The following FAM13A variants were observed in gnomAD, a reference collection of about 807,000 sequenced individuals.
The protein encoded by FAM13A is family with sequence similarity 13 member A, also known as protein FAM13A.
FAM13A carries 76 observed loss-of-function variants against 129.6 expected under a neutral mutation model. That is an observed-to-expected ratio of 0.59 (90% CI 0.49 to 0.71). The LOEUF (loss-of-function observed/expected upper bound fraction) is 0.71, where lower values mean the gene tolerates loss of function less well. FAM13A is among the 30% of genes least tolerant of loss of function. The pLI is 0.00. For missense variants in FAM13A, 1,108 were observed against 1,249.3 expected (o/e 0.89, Z 1.70); for synonymous variants, 443 against 449.9 (o/e 0.98, Z 0.20).
intron 7 of FAM13A, among the ~76,000 whole-genome samples, chr4:88,843,041 C>G (rs1736080267): frequency 6.6e-6 from 1 of 152,082 alleles, no homozygotes; most frequent in Admixed American, 6.5e-5. Flanking sequence ...TTATCTAAGG[C>G]CTTGGGATAT....
intron 6 of FAM13A, among the ~76,000 whole-genome samples, chr4:88,863,239 A>G (rs894634903): frequency 6.6e-6 from 1 of 152,138 alleles, no homozygotes; most frequent in African/African-American, 2.4e-5. Context: ...TTCAATCACC[A>G]ATGACCAATG....
chr4:88,979,604 T>C (rs931110808), intron 4 of FAM13A, among the ~76,000 whole-genome samples: 2 of 152,100 alleles, frequency 1.3e-5, no homozygotes, highest in Non-Finnish European at 2.9e-5. Context: ...AAGAAATAGA[T>C]ACAAAGCATC....
intron 5 of FAM13A, among the ~76,000 whole-genome samples, chr4:88,910,184 C>T (rs13109149): frequency 0.14 from 20,892 of 152,098 alleles, 1,706 homozygotes; most frequent in Middle Eastern, 0.25. Context: ...AGATCACATA[C>T]GGCATATTTA....
intron 5 of FAM13A, among the ~76,000 whole-genome samples, chr4:88,911,604 G>A (rs1749097810): frequency 6.6e-6 from 1 of 152,072 alleles, no homozygotes; most frequent in Non-Finnish European, 1.5e-5. Flanking sequence ...TGCCTTCCCT[G>A]TTGTTGCAAT....
In FAM13A at chr4:89,020,406, C is replaced by T. The variant is rs568200717; in HGVS notation, c.427+54G>A. 3.0e-5 allele frequency: 40 copies of T among 1,346,478 alleles called. No homozygotes were observed. In the African/African-American group the frequency reaches 5.0e-4, roughly 17 times the overall value. 83.4% of individuals were successfully genotyped at this position (1,346,478 alleles called of 1,614,324 possible). A position where few individuals can be genotyped will look rare whatever the true frequency, so the allele number is the denominator to read the frequency against. On this transcript the variant is annotated intron_variant, in intron 3 of 23. Coordinates refer to ENST00000264344, the MANE Select transcript of FAM13A (RefSeq NM_014883.4). ...TGTTGGGATTATAGGTGTGGGCCAC[C>T]GTGCCCAGCCTAGTAAAGTTGTTTT...
chr4:88,866,239 G>A (rs1467112881), intron 6 of FAM13A, among the ~76,000 whole-genome samples: 2 of 151,990 alleles, frequency 1.3e-5, no homozygotes, highest in Admixed American at 1.3e-4. Flanking sequence ...GTAGAGACGC[G>A]GTTTTGCCAC....
At chr4:89,005,056 C>T (rs528699876) in intron 3 of FAM13A, among the ~76,000 whole-genome samples, 6 of 152,112 alleles carry the variant, frequency 3.9e-5, no homozygotes, top group Admixed American at 1.3e-4. Context: ...TACTGTTCCT[C>T]TCCCTCCACT....
chr4:88,812,151 A>C (rs1276706022), intron 7 of FAM13A, among the ~76,000 whole-genome samples: 2 of 152,174 alleles, frequency 1.3e-5, no homozygotes, highest in East Asian at 1.9e-4. Flanking sequence ...AACTGTAAGA[A>C]ATAAGTCTCT....
At chr4:88,978,939 T>A (rs1406608590) in intron 4 of FAM13A, among the ~76,000 whole-genome samples, 3 of 152,108 alleles carry the variant, frequency 2.0e-5, no homozygotes, top group African/African-American at 7.2e-5. Flanking sequence ...CAAAAATAAA[T>A]CATAAGCTCA....
At chr4:88,750,823 C>G (rs1228850092) in intron 14 of FAM13A, among the ~76,000 whole-genome samples, 186 bp from the exon 15 acceptor site, 1 of 152,250 alleles carries the variant, frequency 6.6e-6, no homozygotes, top group Non-Finnish European at 1.5e-5. Context: ...ATATGTCTGA[C>G]AGCCATCATC....
intron 2 of FAM13A, among the ~76,000 whole-genome samples, chr4:89,024,639 C>A (rs375085113): frequency 2.0e-5 from 3 of 152,134 alleles, no homozygotes; most frequent in African/African-American, 7.2e-5. Context: ...CACAGGTGTA[C>A]AGTAAATGTT....
intron 7 of FAM13A, among the ~76,000 whole-genome samples, chr4:88,818,914 T>G (rs1026767139): frequency 6.6e-6 from 1 of 152,190 alleles, no homozygotes; most frequent in Non-Finnish European, 1.5e-5. Context: ...TCTTCCCTGG[T>G]GAACTCCCAT....
At chr4:88,763,329 T>C (rs569591603) in intron 13 of FAM13A, among the ~76,000 whole-genome samples, 15 of 152,278 alleles carry the variant, frequency 9.9e-5, no homozygotes, top group African/African-American at 3.6e-4. Context: ...CAAGCGTTCA[T>C]TGAACACATA....
At chr4:89,033,142 T>A (rs1317249472) in intron 1 of FAM13A, among the ~76,000 whole-genome samples, 2 of 113,328 alleles carry the variant, frequency 1.8e-5, no homozygotes, top group African/African-American at 2.7e-5. Flanking sequence ...ACACACTCTC[T>A]CTCTCTCTCT....
chr4:88,833,307 A>G (rs992085623), intron 7 of FAM13A, among the ~76,000 whole-genome samples: 1 of 152,114 alleles, frequency 6.6e-6, no homozygotes. Context: ...AGGTGCTGCA[A>G]ACCACCATGG....
At chr4:88,844,626 G>C (rs1450704933) in intron 7 of FAM13A, among the ~76,000 whole-genome samples, 2 of 152,154 alleles carry the variant, frequency 1.3e-5, no homozygotes, top group Non-Finnish European at 2.9e-5. Context: ...GATGGCTCTA[G>C]GTATGAGGAA....
At chr4:88,966,450 G>A (rs1759363098) in intron 4 of FAM13A, among the ~76,000 whole-genome samples, 1 of 152,114 alleles carries the variant, frequency 6.6e-6, no homozygotes, top group African/African-American at 2.4e-5. Flanking sequence ...TCTTACCTTT[G>A]ACCTTTTTCC....
intron 14 of FAM13A, among the ~76,000 whole-genome samples, chr4:88,755,059 G>T (rs1743357864): frequency 6.6e-6 from 1 of 152,078 alleles, no homozygotes; most frequent in African/African-American, 2.4e-5. Flanking sequence ...AAAGTCCCAG[G>T]TGAAGTCTTT....
At chr4:88,750,776 C>G in intron 14 of FAM13A, 139 bp from the exon 15 acceptor site, 1 of 648,036 alleles carries the variant, frequency 1.5e-6, no homozygotes, top group East Asian at 2.7e-5. Flanking sequence ...CAGCTAAGGT[C>G]CAGGCTAAGG....
Sources: gnomAD v4.1 joint callset for allele counts (sites outside exome capture counted in the v4.1 genomes callset) on GRCh38, gnomAD v4.1.1 for gene constraint, MANE v1.5 for transcripts, NCBI Gene and HGNC (gene_info 2026-07-23, HGNC 2026-07-21) for gene names.